Variants in DPM1 observed in about 807,000 individuals in gnomAD.
DPM1 encodes the protein dolichol-phosphate mannosyltransferase subunit 1.
DPM1 carries 27 observed loss-of-function variants against 39.0 expected under a neutral mutation model. The ratio of observed to expected loss-of-function variants is 0.69; its 90% CI spans 0.51 to 0.95. The LOEUF is 0.95. DPM1 is among the 40% of genes least tolerant of loss of function. DPM1 has a pLI of 0.00. For missense variants in DPM1, 307 were observed against 315.6 expected (o/e 0.97, Z 0.21); for synonymous variants, 124 against 109.0 (o/e 1.14, Z -0.86).
intron 5 of DPM1, among the ~76,000 whole-genome samples, chr20:50,945,411 G>A (rs911859358): frequency 6.6e-6 from 1 of 151,842 alleles, no homozygotes. Flanking sequence ...CATGATCATA[G>A]CTCACTGCAG....
At chr20:50,945,636 G>T (rs1055885635) in intron 5 of DPM1, 101 bp downstream of exon 5, 3 of 1,115,336 alleles carry the variant, frequency 2.7e-6, no homozygotes, top group Non-Finnish European at 3.9e-6. Context: ...AGAAAAAATA[G>T]TATGTGTATT....
In DPM1 at chr20:50,942,273, C is replaced by T. The variant is rs188995788; in HGVS notation, c.399-147G>A. On this transcript the variant is annotated intron_variant, in intron 5 of 8. Coordinates refer to ENST00000371588, the MANE Select transcript of DPM1 (RefSeq NM_003859.3). ...CTGCAATCCTAGCACTTTGGGAGGC[C>T]GAGGCGGGTGGATCACGAGGCCAGG... 4,234 of 734,042 alleles carry T rather than the reference C, an allele frequency of 5.8e-3. 31 individuals carry two copies. Among genetic ancestry groups the T allele is most frequent in the Non-Finnish European group, 8.5e-3 (3,568 of 418,790 alleles). The allele number at this position is 734,042 out of a possible 1,614,324, so 45.5% of individuals were successfully genotyped here. A position where few individuals can be genotyped will look rare whatever the true frequency, so the allele number is the denominator to read the frequency against.
intron 7 of DPM1, among the ~76,000 whole-genome samples, chr20:50,940,301 A>C (rs1468511296): frequency 6.6e-6 from 1 of 152,180 alleles, no homozygotes; most frequent in Non-Finnish European, 1.5e-5. Flanking sequence ...TTAAAAAAAA[A>C]AATCTGGCAA....
chr20:50,940,265 G>T (rs1985610797), intron 7 of DPM1, among the ~76,000 whole-genome samples: 1 of 152,002 alleles, frequency 6.6e-6, no homozygotes, highest in Non-Finnish European at 1.5e-5. Flanking sequence ...TAAAGTAGAT[G>T]CAGGGGCATT....
chr20:50,937,791 G>C (rs1478204168), intron 7 of DPM1, among the ~76,000 whole-genome samples: 1 of 151,716 alleles, frequency 6.6e-6, no homozygotes, highest in African/African-American at 2.4e-5. Flanking sequence ...TTAAATAATT[G>C]CTAAATAACT....
intron 7 of DPM1, 81 bp from the exon 8 acceptor site, chr20:50,936,343 G>T: frequency 2.1e-6 from 2 of 935,550 alleles, no homozygotes; most frequent in South Asian, 1.4e-5. Context: ...GAGTTCACTG[G>T]TATGTATAAA....
At chr20:50,937,150 G>T (rs1275246785) in intron 7 of DPM1, among the ~76,000 whole-genome samples, 1 of 151,442 alleles carries the variant, frequency 6.6e-6, no homozygotes, top group Non-Finnish European at 1.5e-5. Flanking sequence ...GCAGTTTGGT[G>T]TAACTTTGTT....
intron 6 of DPM1, chr20:50,941,247 TATATATATATATATATAA>T (rs1985729612): frequency 6.0e-6 from 1 of 167,252 alleles, no homozygotes; most frequent in African/African-American, 2.9e-5. Flanking sequence ...TATATATATA[TATATATATATATATATAA>T]ATAAAATACA....
At chr20:50,937,096 AT>A (rs1441982460) in intron 7 of DPM1, among the ~76,000 whole-genome samples, 1 of 150,668 alleles carries the variant, frequency 6.6e-6, no homozygotes, top group Non-Finnish European at 1.5e-5. Context: ...GGAGGCAGCA[AT>A]TTCTACCTTT....
intron 3 of DPM1, among the ~76,000 whole-genome samples, chr20:50,947,890 G>A (rs1432473926): frequency 1.3e-5 from 2 of 152,288 alleles, no homozygotes; most frequent in East Asian, 3.9e-4. Flanking sequence ...GCCTCCCAAA[G>A]TGCTAAGATT....
chr20:50,936,154 A>G lies in DPM1; in HGVS notation c.672T>C (p.Ile224=), dbSNP rs768524802. 2 of 1,610,330 alleles carry G rather than the reference A, an allele frequency of 1.2e-6. No homozygotes were observed. The highest frequency in any genetic ancestry group is 1.3e-5 in the African/African-American group (1 of 74,958). Residue 224 remains isoleucine, a synonymous_variant, in exon 8 of 9, where the codon ATT becomes ATC. Coordinates refer to ENST00000371588, the MANE Select transcript of DPM1 (RefSeq NM_003859.3). ...TTTAGCATCAGTTGCATACCTCGCC[A>G]ATAGTATAATTCAACTGTCTTGCCC... ...IVRARQLNYT[I]GEVPISFVDR...
chr20:50,956,457 C>T (rs1986825034), intron 1 of DPM1, among the ~76,000 whole-genome samples: 2 of 150,426 alleles, frequency 1.3e-5, no homozygotes, highest in African/African-American at 4.9e-5. Context: ...ACCCGGGAGG[C>T]GGGGCCTGCA....
intron 6 of DPM1, 197 bp from the exon 7 acceptor site, chr20:50,941,130 T>C (rs1218103364): frequency 3.2e-6 from 2 of 628,168 alleles, no homozygotes; most frequent in African/African-American, 3.8e-5. Flanking sequence ...GGCTCACACC[T>C]GTAATCCCAG....
In DPM1 at chr20:50,942,046, T is replaced by A. The variant is rs1452829020; in HGVS notation, c.479A>T (p.Lys160Ile). Residue 160 changes from lysine (K) to isoleucine (I), a missense_variant, in exon 6 of 9, where the codon AAA (lysine) becomes ATA (isoleucine). Lys to Ile is a moderately radical substitution (Grantham distance 102). Coordinates refer to ENST00000371588, the MANE Select transcript of DPM1 (RefSeq NM_003859.3). Reference sequence around the variant, plus strand: ...ATGTACCTACCTGATTATTTTTCTTTTCAAATCCCAGCCATATACACCTCC... The same window carrying A: ...ATGTACCTACCTGATTATTTTTCTTATCAAATCCCAGCCATATACACCTCC... ...GNGGVYGWDL[K>I]RKIISRGANF... 3 of 1,613,860 alleles carry A rather than the reference T, an allele frequency of 1.9e-6. No individual in the cohort carries two copies. The highest frequency in any genetic ancestry group is 2.5e-6 in the Non-Finnish European group (3 of 1,179,858).
chr20:50,940,703 G>C (rs953013222), intron 7 of DPM1, among the ~76,000 whole-genome samples, 162 bp downstream of exon 7: 1 of 152,170 alleles, frequency 6.6e-6, no homozygotes. Flanking sequence ...ATGTCTCCTT[G>C]AGATGTTTAG....
At chr20:50,957,913 C>T (rs987000617) in intron 1 of DPM1, among the ~76,000 whole-genome samples, 2 of 152,168 alleles carry the variant, frequency 1.3e-5, no homozygotes, top group Non-Finnish European at 2.9e-5. Context: ...GTTATCGTGC[C>T]CAGCAATAGC....
At chr20:50,950,399 C>A (rs919308377) in intron 2 of DPM1, among the ~76,000 whole-genome samples, 1 of 152,170 alleles carries the variant, frequency 6.6e-6, no homozygotes. Context: ...TTGCAAGTCA[C>A]TGAACAAAAT....
At chr20:50,941,496 G>C (rs1985820970) in intron 6 of DPM1, among the ~76,000 whole-genome samples, 1 of 150,214 alleles carries the variant, frequency 6.7e-6, no homozygotes, top group South Asian at 2.1e-4. Flanking sequence ...CAGATCACCT[G>C]AGCTCAGGAG....
At position 50,935,118 on chromosome 20, in the gene DPM1, T is replaced by C; in HGVS notation, c.*14A>G. 7.2e-7 allele frequency: 1 copy of C among 1,382,400 alleles called. No homozygotes were observed. Among genetic ancestry groups the C allele is most frequent in the Non-Finnish European group, 1.0e-6 (1 of 970,520 alleles). The allele number at this position is 1,382,400 out of a possible 1,614,324, so 85.6% of individuals were successfully genotyped here. A position where few individuals can be genotyped will look rare whatever the true frequency, so the allele number is the denominator to read the frequency against. ...AACCTGAAATGAACGTAACTATAAATGAGTATCTTTCTTTTATGTAGTAGC... is the reference window on the plus strand; with the variant it reads ...AACCTGAAATGAACGTAACTATAAACGAGTATCTTTCTTTTATGTAGTAGC... On this transcript the variant is annotated 3_prime_UTR_variant, in exon 9 of 9. Transcript: ENST00000371588.
Sources: gnomAD v4.1 joint callset for allele counts (sites outside exome capture counted in the v4.1 genomes callset) on GRCh38, gnomAD v4.1.1 for gene constraint, MANE v1.5 for transcripts, NCBI Gene and HGNC (gene_info 2026-07-23, HGNC 2026-07-21) for gene names.